Variants in EAF2 observed in about 807,000 individuals in gnomAD.
The protein encoded by EAF2 is ELL associated factor 2.
Under a neutral mutation model 29.4 loss-of-function variants are expected in EAF2, and 29 were observed. That is an observed-to-expected ratio of 0.99 (90% CI 0.73 to 1.35). The LOEUF (loss-of-function observed/expected upper bound fraction) is 1.35, where lower values mean the gene tolerates loss of function less well. EAF2 is among the 40% of genes most tolerant of loss of function. The probability of loss-of-function intolerance (pLI) is 0.00; values close to 1 mark genes in which losing one functional copy is unlikely to be tolerated. For missense variants in EAF2, 292 were observed against 312.0 expected (o/e 0.94, Z 0.48); for synonymous variants, 103 against 102.5 (o/e 1.00, Z -0.03).
intron 1 of EAF2, among the ~76,000 whole-genome samples, chr3:121,840,484 C>A (rs1708392699): frequency 1.7e-5 from 1 of 58,930 alleles, no homozygotes; most frequent in South Asian, 9.1e-4. Context: ...AGGGAGACTT[C>A]GTCTAAAAAA....
intron 5 of EAF2, among the ~76,000 whole-genome samples, chr3:121,881,488 G>T (rs1295617568): frequency 6.6e-6 from 1 of 151,828 alleles, no homozygotes; most frequent in Non-Finnish European, 1.5e-5. Context: ...TTTCCAATTG[G>T]TTATTTTTAA....
chr3:121,847,935 A>G (rs560623502), intron 2 of EAF2, among the ~76,000 whole-genome samples: 19 of 152,264 alleles, frequency 1.2e-4, no homozygotes, highest in South Asian at 4.1e-4. Flanking sequence ...AAGAGGAAGG[A>G]TGAAGGGAAG....
chr3:121,846,779 C>T (rs895490276), intron 2 of EAF2, among the ~76,000 whole-genome samples: 2 of 151,996 alleles, frequency 1.3e-5, no homozygotes, highest in Non-Finnish European at 2.9e-5. Context: ...CATCCTCATC[C>T]CTTGCATTGC....
At chr3:121,837,019 G>A (rs922385410) in intron 1 of EAF2, among the ~76,000 whole-genome samples, 1 of 151,704 alleles carries the variant, frequency 6.6e-6, no homozygotes, top group African/African-American at 2.4e-5. Flanking sequence ...AAAGTCAGAG[G>A]ATCAGATGAT....
rs569492963 is a variant in EAF2 at position 121,883,010 on chromosome 3, A to C, written c.737-3332A>C. Among the ~76,000 whole-genome samples, 10 of 152,242 alleles carry C rather than the reference A, an allele frequency of 6.6e-5. No individual in the cohort carries two copies. In the East Asian group the frequency reaches 1.9e-3, roughly 29 times the overall value. Reference sequence around the variant, plus strand: ...TAATCTGTGTACATACATCTTTGAAAAGCATTAATTTAATTTAATATAAAG... The same window carrying C: ...TAATCTGTGTACATACATCTTTGAACAGCATTAATTTAATTTAATATAAAG... On this transcript the variant is annotated intron_variant, in intron 5 of 5. Transcript: ENST00000273668.
intron 5 of EAF2, among the ~76,000 whole-genome samples, chr3:121,883,329 A>G (rs1709223081): frequency 6.6e-6 from 1 of 152,228 alleles, no homozygotes; most frequent in South Asian, 2.1e-4. Flanking sequence ...AAATACAATG[A>G]GCAGCATTGA....
intron 5 of EAF2, among the ~76,000 whole-genome samples, chr3:121,878,310 C>T (rs940407493): frequency 1.4e-4 from 21 of 151,972 alleles, no homozygotes; most frequent in African/African-American, 4.6e-4. Context: ...ATGACTTACA[C>T]GTGATATTTT....
chr3:121,876,104 C>A (rs990256794), intron 5 of EAF2, among the ~76,000 whole-genome samples: 2 of 151,768 alleles, frequency 1.3e-5, no homozygotes, highest in Non-Finnish European at 2.9e-5. Context: ...TAAATCTAGA[C>A]CTCAAAACAT....
intron 3 of EAF2, among the ~76,000 whole-genome samples, chr3:121,855,167 T>C (rs149361580): frequency 6.6e-6 from 1 of 152,298 alleles, no homozygotes; most frequent in African/African-American, 2.4e-5. Context: ...ATTGAGTACC[T>C]AGGATGTGTA....
At chr3:121,856,162 T>C (rs914440838) in intron 3 of EAF2, among the ~76,000 whole-genome samples, 1 of 152,226 alleles carries the variant, frequency 6.6e-6, no homozygotes, top group African/African-American at 2.4e-5. Context: ...TTATCATGCC[T>C]GTCTTAAGTT....
At chr3:121,884,340 CAAAA>C (rs1192870196) in intron 5 of EAF2, among the ~76,000 whole-genome samples, 1 of 84,152 alleles carries the variant, frequency 1.2e-5, no homozygotes. Context: ...AACTCCATCT[CAAAA>C]AAAAAAAAAA....
intron 4 of EAF2, among the ~76,000 whole-genome samples, chr3:121,863,148 C>A (rs577373281): frequency 6.6e-6 from 1 of 152,188 alleles, no homozygotes; most frequent in Non-Finnish European, 1.5e-5. Flanking sequence ...GGGTCAGGGA[C>A]CCACTTGAGG....
chr3:121,844,881 C>A lies in EAF2; in HGVS notation c.201+334C>A, dbSNP rs368022425. Among the ~76,000 whole-genome samples the A allele has an allele frequency of 1.1e-3, 161 of 152,240 alleles. 3 individuals carry two copies. In the South Asian group the frequency reaches 0.021, roughly 19 times the overall value. On this transcript the variant is annotated intron_variant, in intron 2 of 5. Coordinates refer to ENST00000273668, the MANE Select transcript of EAF2 (RefSeq NM_018456.6). Reference sequence around the variant, plus strand: ...TCTAGTCCTAATCTTTTATAGCAGACAGACACATAACATCTAGTGTTATAA... The same window carrying A: ...TCTAGTCCTAATCTTTTATAGCAGAAAGACACATAACATCTAGTGTTATAA...
chr3:121,838,543 A>G (rs1708346980), intron 1 of EAF2, among the ~76,000 whole-genome samples: 1 of 152,194 alleles, frequency 6.6e-6, no homozygotes, highest in Non-Finnish European at 1.5e-5. Flanking sequence ...TCCTAACAGT[A>G]GAATAATTAG....
At chr3:121,860,287 A>C (rs1708802762) in intron 4 of EAF2, among the ~76,000 whole-genome samples, 1 of 152,202 alleles carries the variant, frequency 6.6e-6, no homozygotes, top group Non-Finnish European at 1.5e-5. Flanking sequence ...TCAGCTGTGA[A>C]TCCGTCTGGT....
chr3:121,845,107 G>C (rs1217093389), intron 2 of EAF2, among the ~76,000 whole-genome samples: 1 of 152,142 alleles, frequency 6.6e-6, no homozygotes. Context: ...AGAACAAAGA[G>C]TTTGTGGAAT....
At chr3:121,883,246 T>C (rs1459910636) in intron 5 of EAF2, among the ~76,000 whole-genome samples, 1 of 152,166 alleles carries the variant, frequency 6.6e-6, no homozygotes, top group Non-Finnish European at 1.5e-5. Context: ...TAGAAAAGTA[T>C]ATGCATATAT....
intron 5 of EAF2, among the ~76,000 whole-genome samples, chr3:121,874,998 C>A (rs1709071861): frequency 6.6e-6 from 1 of 151,766 alleles, no homozygotes; most frequent in Admixed American, 6.6e-5. Context: ...ATAATCAGAA[C>A]TTTCAGGGAA....
At chr3:121,869,302 G>T (rs1029926181) in intron 4 of EAF2, among the ~76,000 whole-genome samples, 2 of 152,004 alleles carry the variant, frequency 1.3e-5, no homozygotes, top group Admixed American at 6.6e-5. Flanking sequence ...CCTTTTTTAG[G>T]AAACTAGGAA....
Sources: allele counts gnomAD v4.1 joint callset (sites outside exome capture counted in the v4.1 genomes callset), GRCh38; gene constraint gnomAD v4.1.1; transcripts MANE v1.5; gene names NCBI Gene and HGNC (gene_info 2026-07-23, HGNC 2026-07-21).